Variants in KIAA1671 observed in about 807,000 individuals in gnomAD.
KIAA1671 encodes the protein uncharacterized protein KIAA1671.
Under a neutral mutation model 131.2 loss-of-function variants are expected in KIAA1671, and 52 were observed. That is an observed-to-expected ratio of 0.40 (90% confidence interval 0.32 to 0.50). The LOEUF (loss-of-function observed/expected upper bound fraction) is 0.50. Among genes scored for constraint, KIAA1671 ranks in the 20% least tolerant of loss-of-function variants. KIAA1671 has a pLI of 0.73. For missense variants in KIAA1671, 2,360 were observed against 2,364.2 expected (o/e 1.00, Z 0.04); for synonymous variants, 1,003 against 961.6 (o/e 1.04, Z -0.80).
chr22:25,040,348 C>T lies in KIAA1671; in HGVS notation c.3218C>T (p.Ser1073Phe). 6.4e-7 allele frequency: 1 copy of T among 1,551,822 alleles called. No homozygotes were observed. The highest frequency in any genetic ancestry group is 8.7e-7 in the Non-Finnish European group (1 of 1,147,010). Residue 1073 changes from serine to phenylalanine, a missense_variant, in exon 5 of 13, where the codon TCT (serine) becomes TTT (phenylalanine). By Grantham distance (155) the Ser-to-Phe change is radical. Coordinates refer to ENST00000358431, the MANE Select transcript of KIAA1671 (RefSeq NM_001145206.2). ...CATTCTTTAACATCCACTTTGGTTTCTCTTGGTCATGAAGAGGCATTGGAG... is the reference window on the plus strand; with the variant it reads ...CATTCTTTAACATCCACTTTGGTTTTTCTTGGTCATGAAGAGGCATTGGAG... Reference protein sequence around the residue: ...SPHSLTSTLVSLGHEEALEMA... With the variant: ...SPHSLTSTLVFLGHEEALEMA...
intron 1 of KIAA1671, among the ~76,000 whole-genome samples, chr22:25,021,948 A>G (rs1314481669): frequency 6.6e-6 from 1 of 151,898 alleles, no homozygotes; most frequent in Non-Finnish European, 1.5e-5. Flanking sequence ...CACCACGCCC[A>G]GCTAATTTTT....
chr22:24,997,451 C>T (rs553144444), intron 1 of KIAA1671, among the ~76,000 whole-genome samples: 4 of 152,192 alleles, frequency 2.6e-5, no homozygotes, highest in African/African-American at 7.2e-5. Flanking sequence ...GGGAAATTGC[C>T]GGTATGAAAA....
At chr22:25,143,893 G>A (rs938622418) in intron 6 of KIAA1671, among the ~76,000 whole-genome samples, 2 of 152,126 alleles carry the variant, frequency 1.3e-5, no homozygotes, top group Admixed American at 6.5e-5. Context: ...ATGATAGGCC[G>A]GGTGTGGTGG....
intron 6 of KIAA1671, chr22:25,112,539 C>T (rs950682388): frequency 1.0e-5 from 4 of 397,522 alleles, no homozygotes; most frequent in Non-Finnish European, 1.8e-5. Context: ...GGGAGGGGGT[C>T]CCAGACATCA....
intron 4 of KIAA1671, 104 bp downstream of exon 4, chr22:25,032,800 C>A (rs1926363959): frequency 2.2e-5 from 14 of 636,754 alleles, no homozygotes; most frequent in Non-Finnish European, 1.1e-5. Context: ...GACTCAGAAA[C>A]ATGTCATGCA....
intron 6 of KIAA1671, among the ~76,000 whole-genome samples, chr22:25,136,891 AG>A (rs1331439334): frequency 1.3e-5 from 2 of 152,210 alleles, no homozygotes; most frequent in Non-Finnish European, 2.9e-5. Flanking sequence ...TCCCATTAAA[AG>A]GGTACATTTT....
intron 6 of KIAA1671, among the ~76,000 whole-genome samples, chr22:25,092,698 A>G (rs1245353141): frequency 6.6e-6 from 1 of 152,162 alleles, no homozygotes; most frequent in Non-Finnish European, 1.5e-5. Flanking sequence ...ATGGGAATGG[A>G]TTGGAAGATC....
chr22:25,137,069 G>A (rs1243090684), intron 6 of KIAA1671, among the ~76,000 whole-genome samples: 2 of 152,114 alleles, frequency 1.3e-5, no homozygotes, highest in Non-Finnish European at 2.9e-5. Context: ...GGTACCAAGT[G>A]GCTTTCCCTA....
intron 6 of KIAA1671, among the ~76,000 whole-genome samples, chr22:25,073,909 G>A (rs1287095024): frequency 6.6e-6 from 1 of 152,148 alleles, no homozygotes; most frequent in African/African-American, 2.4e-5. Flanking sequence ...GGTCAGGCTG[G>A]TCTCAAACTC....
intron 10 of KIAA1671, among the ~76,000 whole-genome samples, chr22:25,184,059 G>A (rs1414658483): frequency 6.6e-6 from 1 of 152,202 alleles, no homozygotes; most frequent in Non-Finnish European, 1.5e-5. Context: ...ACGGGGCTCT[G>A]GCCATTCATT....
intron 6 of KIAA1671, among the ~76,000 whole-genome samples, chr22:25,135,244 G>A (rs1249724010): frequency 6.6e-6 from 1 of 152,218 alleles, no homozygotes; most frequent in African/African-American, 2.4e-5. Flanking sequence ...GGAGTGCAGT[G>A]GCGCAATCTC....
intron 10 of KIAA1671, among the ~76,000 whole-genome samples, chr22:25,184,583 C>T (rs984546247): frequency 6.6e-6 from 1 of 152,138 alleles, no homozygotes. Flanking sequence ...AATAGACTGT[C>T]GAAAACTTCA....
At position 25,049,223 on chromosome 22, in the gene KIAA1671, G is replaced by A. The variant is rs1927402450; in HGVS notation, c.4396-7G>A. On this transcript the variant is annotated splice_polypyrimidine_tract_variant and splice_region_variant and intron_variant, in intron 5 of 12. Coordinates refer to ENST00000358431, the MANE Select transcript of KIAA1671 (RefSeq NM_001145206.2). ...GTAAAGTCCTTTTCTTGTGCTCTGT[G>A]TTTCAGGTGCTGCCACGGGACCTGG... is the stretch of plus-strand genomic sequence containing the variant. The A allele has an allele frequency of 2.3e-5, 36 of 1,551,622 alleles. No individual in the cohort carries two copies. The highest frequency in any genetic ancestry group is 6.1e-6 in the Non-Finnish European group (7 of 1,146,760).
At chr22:25,018,347 G>A (rs377470178) in intron 1 of KIAA1671, among the ~76,000 whole-genome samples, 3 of 151,828 alleles carry the variant, frequency 2.0e-5, no homozygotes, top group Admixed American at 6.6e-5. Flanking sequence ...TTTGGTTCCC[G>A]TTATGTTTGT....
Position 25,177,360 on chromosome 22 carries a change from C to G in KIAA1671, c.4912C>G (p.Leu1638Val). Residue 1638 changes from leucine (L) to valine (V), a missense_variant, in exon 9 of 13, where the codon CTC becomes GTC. Physicochemically the swap from Leu to Val is conservative, Grantham distance 32. Transcript: ENST00000358431. Reference sequence around the variant, plus strand: ...GCTGCTCCCAAAGCAAACCTCAGTCCTCGACTCAAGTGCCCTCAAGACCCG... The same window carrying G: ...GCTGCTCCCAAAGCAAACCTCAGTCGTCGACTCAAGTGCCCTCAAGACCCG... ...DFSFIDQTSVLDSSALKTRVQ... is the reference protein window; with the variant it reads ...DFSFIDQTSVVDSSALKTRVQ... 1.3e-6 allele frequency: 2 copies of G among 1,550,374 alleles called. No homozygotes were observed. Among genetic ancestry groups the G allele is most frequent in the Non-Finnish European group, 1.7e-6 (2 of 1,146,328 alleles).
intron 6 of KIAA1671, among the ~76,000 whole-genome samples, chr22:25,093,135 A>G (rs951030267): frequency 1.3e-5 from 2 of 152,158 alleles, no homozygotes; most frequent in African/African-American, 4.8e-5. Flanking sequence ...GTCTCACACA[A>G]CCCTCACACA....
chr22:24,969,942 A>C (rs1465855517), intron 1 of KIAA1671, among the ~76,000 whole-genome samples: 2 of 152,240 alleles, frequency 1.3e-5, no homozygotes, highest in Non-Finnish European at 2.9e-5. Context: ...TTTAGACAAC[A>C]GGCTTCAGAG....
chr22:25,148,946 C>G (rs1025928141), intron 6 of KIAA1671, among the ~76,000 whole-genome samples: 1 of 152,178 alleles, frequency 6.6e-6, no homozygotes, highest in Non-Finnish European at 1.5e-5. Context: ...CTGATCTATA[C>G]CAAGAGTTCT....
intron 5 of KIAA1671, among the ~76,000 whole-genome samples, chr22:25,045,030 G>A (rs1265634927): frequency 2.0e-5 from 3 of 152,020 alleles, no homozygotes; most frequent in African/African-American, 7.2e-5. Context: ...GCACAGTGGC[G>A]GGCGCCTGTA....
Sources: gnomAD v4.1 joint callset for allele counts (sites outside exome capture counted in the v4.1 genomes callset) on GRCh38, gnomAD v4.1.1 for gene constraint, MANE v1.5 for transcripts, NCBI Gene and HGNC (gene_info 2026-07-23, HGNC 2026-07-21) for gene names.